Variants in ZNF804A observed in about 807,000 individuals in gnomAD.
ZNF804A encodes zinc finger protein 804A.
In ZNF804A, 2 loss-of-function variants were observed where a neutral mutation model predicts 16.5. That is an observed-to-expected ratio of 0.12 (90% CI 0.05 to 0.38). The LOEUF (loss-of-function observed/expected upper bound fraction) is 0.38, where lower values mean the gene tolerates loss of function less well. Ranked by LOEUF, ZNF804A falls within the 10% of genes least tolerant of loss-of-function variation. The pLI is 0.99. For synonymous variants in ZNF804A, 534 were observed against 489.6 expected (o/e 1.09, Z -1.20); for missense variants, 1,473 against 1,390.7 (o/e 1.06, Z -0.94).
chr2:184,888,320 A>C (rs1309656640), intron 2 of ZNF804A, among the ~76,000 whole-genome samples: 1 of 152,280 alleles, frequency 6.6e-6, no homozygotes, highest in East Asian at 1.9e-4. Context: ...CTCCACCTCA[A>C]ATTCTACCAC....
chr2:184,917,220 CT>C (rs1685462207), intron 2 of ZNF804A, among the ~76,000 whole-genome samples: 1 of 152,094 alleles, frequency 6.6e-6, no homozygotes, highest in Non-Finnish European at 1.5e-5. Context: ...CAAAATTAAT[CT>C]CCAAATAAAT....
At chr2:184,650,088 G>A (rs571539665) in intron 1 of ZNF804A, among the ~76,000 whole-genome samples, 1 of 152,118 alleles carries the variant, frequency 6.6e-6, no homozygotes, top group East Asian at 1.9e-4. Flanking sequence ...AAATCCAACA[G>A]CACATCAAAA....
chr2:184,727,298 A>G (rs1177928396), intron 1 of ZNF804A, among the ~76,000 whole-genome samples: 1 of 151,608 alleles, frequency 6.6e-6, no homozygotes, highest in African/African-American at 2.4e-5. Flanking sequence ...TCATTAAGTA[A>G]ATAGTGGAAG....
intron 2 of ZNF804A, among the ~76,000 whole-genome samples, chr2:184,884,694 T>C (rs1159875113): frequency 6.6e-6 from 1 of 151,716 alleles, no homozygotes; most frequent in South Asian, 2.1e-4. Flanking sequence ...AAAAATTAAC[T>C]CAAGATGTAT....
At chr2:184,935,680 A>T in intron 3 of ZNF804A, 103 bp from the exon 4 acceptor site, 1 of 1,360,308 alleles carries the variant, frequency 7.4e-7, no homozygotes, top group Non-Finnish European at 9.7e-7. Context: ...AGATTTTAAA[A>T]TTTGAAAAAA....
intron 1 of ZNF804A, among the ~76,000 whole-genome samples, chr2:184,780,763 A>G (rs1262910697): frequency 2.0e-5 from 3 of 151,782 alleles, no homozygotes; most frequent in Non-Finnish European, 2.9e-5. Context: ...AATTCTGGCT[A>G]CACTTTAAAA....
chr2:184,894,725 G>T (rs1490230184), intron 2 of ZNF804A, among the ~76,000 whole-genome samples: 1 of 151,840 alleles, frequency 6.6e-6, no homozygotes, highest in Admixed American at 6.6e-5. Flanking sequence ...TTGCTCTGTC[G>T]CCCAGGCTGG....
intron 1 of ZNF804A, among the ~76,000 whole-genome samples, chr2:184,777,420 C>A (rs1198967199): frequency 3.3e-5 from 5 of 151,552 alleles, no homozygotes; most frequent in African/African-American, 4.8e-5. Context: ...TAAACCCTTT[C>A]TGCTGTTTTC....
intron 1 of ZNF804A, among the ~76,000 whole-genome samples, chr2:184,825,362 C>T (rs1695146817): frequency 6.6e-6 from 1 of 152,088 alleles, no homozygotes; most frequent in African/African-American, 2.4e-5. Flanking sequence ...ATTGTTTTTG[C>T]CCTTTTTTTG....
chr2:184,603,002 A>G (rs1212619162), intron 1 of ZNF804A, among the ~76,000 whole-genome samples: 3 of 152,092 alleles, frequency 2.0e-5, no homozygotes, highest in African/African-American at 7.2e-5. Flanking sequence ...GAATAATTTG[A>G]TTAAATTTGT....
At chr2:184,900,922 T>C (rs1558997117) in intron 2 of ZNF804A, among the ~76,000 whole-genome samples, 1 of 152,196 alleles carries the variant, frequency 6.6e-6, no homozygotes, top group Non-Finnish European at 1.5e-5. Context: ...ACTTTTTCAC[T>C]GTCCCTTTGT....
intron 2 of ZNF804A, among the ~76,000 whole-genome samples, chr2:184,929,785 A>G (rs1685668013): frequency 6.6e-6 from 1 of 152,256 alleles, no homozygotes; most frequent in Non-Finnish European, 1.5e-5. Context: ...GAAGTTGTTC[A>G]TGGTCCCTGA....
intron 1 of ZNF804A, among the ~76,000 whole-genome samples, chr2:184,602,240 C>T (rs929264063): frequency 7.2e-5 from 11 of 151,872 alleles, no homozygotes; most frequent in Non-Finnish European, 1.3e-4. Flanking sequence ...TAATGAAAAA[C>T]ATATAAATTT....
At chr2:184,717,625 G>T (rs1333770373) in intron 1 of ZNF804A, among the ~76,000 whole-genome samples, 1 of 152,140 alleles carries the variant, frequency 6.6e-6, no homozygotes, top group Non-Finnish European at 1.5e-5. Context: ...CATGTAAGTT[G>T]GCAAACAAAC....
intron 2 of ZNF804A, among the ~76,000 whole-genome samples, chr2:184,903,795 G>A (rs1415030899): frequency 6.6e-6 from 1 of 152,092 alleles, no homozygotes; most frequent in Admixed American, 6.6e-5. Context: ...TGTGCTTCAT[G>A]TAGCCACCAC....
chr2:184,626,381 G>T (rs1293110724), intron 1 of ZNF804A, among the ~76,000 whole-genome samples: 1 of 152,190 alleles, frequency 6.6e-6, no homozygotes, highest in East Asian at 1.9e-4. Context: ...ATTATTAAAA[G>T]AATTTATGCT....
rs1330092825 is a variant in ZNF804A at position 184,783,150 on chromosome 2, T to TTTG, written c.112-83217_112-83216insGTT. On this transcript the variant is annotated intron_variant, in intron 1 of 3. Coordinates refer to ENST00000302277, the MANE Select transcript of ZNF804A (RefSeq NM_194250.2). ...TATAAAAGAGTGAGTTTTTTTTTTT[T>TTTG]TTTTTTTTTTTTTAGGTAATACATT... Among the ~76,000 whole-genome samples the TTTG allele has an allele frequency of 1.7e-4, 25 of 143,586 alleles. 1 individual carries two copies. In the South Asian group the frequency reaches 5.6e-3, roughly 32 times the overall value. The allele number at this position is 143,586 out of a possible 152,430, so 94.2% of individuals were successfully genotyped here.
At chr2:184,935,267 C>T (rs1685765980) in intron 3 of ZNF804A, among the ~76,000 whole-genome samples, 1 of 152,184 alleles carries the variant, frequency 6.6e-6, no homozygotes, top group Admixed American at 6.5e-5. Context: ...CTCTTAGTTA[C>T]CTTTGCCCAT....
In ZNF804A at chr2:184,598,837, G is replaced by C; in HGVS notation, c.-123G>C. On this transcript the variant is annotated 5_prime_UTR_variant, in exon 1 of 4. Transcript: ENST00000302277. ...TGAGCCAGTCTCCAGAGGACGTGCC[G>C]GGGGTGGCTGCGTGCCCTCGTGGCG... 1 of 501,194 alleles carries C rather than the reference G, an allele frequency of 2.0e-6. No individual in the cohort carries two copies. The highest frequency in any genetic ancestry group is 3.4e-6 in the Non-Finnish European group (1 of 298,026). 31.0% of individuals were successfully genotyped at this position (501,194 alleles called of 1,614,324 possible).
Sources: gnomAD v4.1 joint callset for allele counts (sites outside exome capture counted in the v4.1 genomes callset) on GRCh38, gnomAD v4.1.1 for gene constraint, MANE v1.5 for transcripts, NCBI Gene and HGNC (gene_info 2026-07-23, HGNC 2026-07-21) for gene names.